The following ZNF34 variants were observed in gnomAD, a reference collection of about 807,000 sequenced individuals.
ZNF34 encodes the protein zinc finger protein 34 (KOX 32).
Under a neutral mutation model 14.4 loss-of-function variants are expected in ZNF34, and 8 were observed. That is an observed-to-expected ratio of 0.55 (90% confidence interval 0.33 to 1.00). The LOEUF (loss-of-function observed/expected upper bound fraction) is 1.00. Ranked by LOEUF, ZNF34 falls within the 50% of genes least tolerant of loss-of-function variation. The pLI is 0.03. For synonymous variants in ZNF34, 235 were observed against 247.9 expected, an observed-to-expected ratio of 0.95 and a Z score of 0.49; for missense variants, 538 against 674.2, an observed-to-expected ratio of 0.80 and a Z score of 2.24.
intron 1 of ZNF34, among the ~76,000 whole-genome samples, chr8:144,785,071 G>C (rs1248857257): frequency 2.1e-5 from 3 of 142,286 alleles, no homozygotes; most frequent in South Asian, 4.5e-4. Context: ...GAGCCAAGAT[G>C]GTGTCACTGC....
intron 1 of ZNF34, among the ~76,000 whole-genome samples, chr8:144,782,842 CAAAAAAAA>C (rs548252812): frequency 8.7e-5 from 2 of 22,966 alleles, no homozygotes; most frequent in African/African-American, 3.1e-4. Flanking sequence ...AAGCCTATCT[CAAAAAAAA>C]AAAAAAAAAA....
intron 2 of ZNF34, 109 bp from the exon 3 acceptor site, chr8:144,778,634 C>T (rs996558068): frequency 1.3e-5 from 10 of 782,666 alleles, no homozygotes; most frequent in Non-Finnish European, 1.7e-5. Flanking sequence ...TGGTCCACCC[C>T]TGCCCATCCC....
rs1472180191 is a variant in ZNF34, at chr8:144,774,471, C to T, written c.415G>A (p.Glu139Lys). 6.2e-7 allele frequency: 1 copy of T among 1,613,980 alleles called. No homozygotes were observed. The highest frequency in any genetic ancestry group is 8.5e-7 in the Non-Finnish European group (1 of 1,179,900). ...GTGACTGCCCTGGGGCCTCTCTGCT[C>T]CACTAGCTTTTCCAGGCTCCCCTCT... ...KSEGSLEKLV[E>K]QRGPRAVTLT... The change falls in exon 6 of 6, where the codon GAG becomes AAG. Residue 139 changes from glutamate (E) to lysine (K), a missense_variant. Transcript: ENST00000429371.
At position 144,778,099 on chromosome 8, in the gene ZNF34, A is replaced by G; in HGVS notation, c.99T>C (p.Pro33=). The part of the protein sequence containing the change: ...LSREEWGRLG[P]AQRGLYRDVM... ...CGTCCCTGTAGAGGCCCCTCTGAGC[A>G]GGGCCCAGGCGGCCCCATTCCTCCC... The change falls in exon 4 of 6, where the codon CCT becomes CCC. Residue 33 remains proline, a synonymous_variant. Transcript: ENST00000429371. The G allele has an allele frequency of 6.2e-7, 1 of 1,614,026 alleles. No individual in the cohort carries two copies. The highest frequency in any genetic ancestry group is 8.5e-7 in the Non-Finnish European group (1 of 1,179,932).
Position 144,777,161 on chromosome 8 carries a change from C to T in ZNF34, c.280+297G>A, listed in dbSNP as rs1015084673. Among the ~76,000 whole-genome samples the T allele has an allele frequency of 3.3e-5, 5 of 152,088 alleles. No homozygotes were observed. ...AGGGTTCTGTGGGGTTCCGCAGACC[C>T]TAACAGCACCCCTGTTCTGCACCTA... On this transcript the variant is annotated intron_variant, in intron 5 of 5. Transcript: ENST00000429371. This position sits in a 1 kb window ranked among gnomAD's most constrained non-coding sequence, Gnocchi z 4.8.
intron 1 of ZNF34, among the ~76,000 whole-genome samples, chr8:144,781,760 G>T (rs1419171393): frequency 6.6e-6 from 1 of 152,180 alleles, no homozygotes; most frequent in African/African-American, 2.4e-5. Flanking sequence ...AGAAATATAT[G>T]AAAAGTAACC....
chr8:144,776,584 G>A (rs764253337), intron 5 of ZNF34, among the ~76,000 whole-genome samples: 3 of 151,700 alleles, frequency 2.0e-5, no homozygotes, highest in Admixed American at 1.3e-4. Flanking sequence ...GTGACAGAGC[G>A]AGACTCTGTC....
chr8:144,787,109 C>G (rs1826294030), intron 1 of ZNF34, among the ~76,000 whole-genome samples, 170 bp downstream of exon 1: 1 of 109,896 alleles, frequency 9.1e-6, no homozygotes, highest in African/African-American at 5.1e-5. Context: ...GCAGTCCGTA[C>G]TCGGGGCCTT....
chr8:144,786,278 C>T (rs1205498624), intron 1 of ZNF34, among the ~76,000 whole-genome samples: 1 of 151,644 alleles, frequency 6.6e-6, no homozygotes. Context: ...CGTGAGCCAC[C>T]GTGCTCTGCC....
intron 1 of ZNF34, among the ~76,000 whole-genome samples, chr8:144,786,817 C>G (rs1826272084): frequency 6.6e-6 from 1 of 151,800 alleles, no homozygotes; most frequent in Admixed American, 6.6e-5. Context: ...GGAGCGCGGA[C>G]GCTAAAGGCA....
chr8:144,773,154 C>A lies in ZNF34; in HGVS notation c.*112G>T, dbSNP rs1825263712. ...AGAGGTTTGTTTAATGAGAAACGTC[C>A]TTTCACTCTGTGAAAACATCGTGTG... On this transcript the variant is annotated 3_prime_UTR_variant, in exon 6 of 6. Coordinates refer to ENST00000429371, the MANE Select transcript of ZNF34 (RefSeq NM_001286769.2). This position sits in a 1 kb window ranked among gnomAD's most constrained non-coding sequence, Gnocchi z 5.4. 3 of 1,179,486 alleles carry A rather than the reference C, an allele frequency of 2.5e-6. No individual in the cohort carries two copies. The highest frequency in any genetic ancestry group is 1.8e-5 in the South Asian group (1 of 56,542). 73.1% of individuals were successfully genotyped at this position (1,179,486 alleles called of 1,614,324 possible).
In ZNF34 at chr8:144,774,569, G is replaced by A. The variant is rs764701606; in HGVS notation, c.317C>T (p.Ser106Leu). ...ATCTTCCTCACCAAATGTCTCCTGT[G>A]AAGTCAACTCCTTGTACTCAGTTCT... ...GTRTEYKELT[S>L]QETFGEEDPQ... Residue 106 changes from serine to leucine, a missense_variant, in exon 6 of 6, where the codon TCA becomes TTA. Around this residue, in one of 3 missense-constraint regions of ZNF34, gnomAD observed 431 missense variants for 525.7 expected, o/e 0.82. Coordinates refer to ENST00000429371, the MANE Select transcript of ZNF34 (RefSeq NM_001286769.2). The A allele has an allele frequency of 1.1e-5, 17 of 1,613,778 alleles. No homozygotes were observed. The African/African-American group carries it at 2.3e-4, about 22-fold the overall frequency.
At chr8:144,781,063 A>C (rs1283101575) in intron 1 of ZNF34, among the ~76,000 whole-genome samples, 2 of 150,728 alleles carry the variant, frequency 1.3e-5, no homozygotes, top group Non-Finnish European at 2.9e-5. Flanking sequence ...GTGAACCGGG[A>C]GGCAGAGCTT....
chr8:144,778,259 G>A (rs972428159), intron 3 of ZNF34, 95 bp from the exon 4 acceptor site: 11 of 1,522,940 alleles, frequency 7.2e-6, no homozygotes, highest in Non-Finnish European at 9.7e-6. Context: ...CAGCAGCACA[G>A]TGGGTGGCCT....
Position 144,774,039 on chromosome 8 carries a change from C to T in ZNF34, c.847G>A (p.Glu283Lys). The T allele has an allele frequency of 6.2e-7, 1 of 1,614,100 alleles. No individual in the cohort carries two copies. The highest frequency in any genetic ancestry group is 8.5e-7 in the Non-Finnish European group (1 of 1,180,000). The change falls in exon 6 of 6, where the codon GAG (glutamate) becomes AAG (lysine). Residue 283 changes from glutamate (E) to lysine (K), a missense_variant. By Grantham distance (56) the Glu-to-Lys change is moderately conservative (BLOSUM62 1). This residue lies in a region of ZNF34 where 431 missense variants were observed against 525.7 expected (regional missense o/e 0.82). Coordinates refer to ENST00000429371, the MANE Select transcript of ZNF34 (RefSeq NM_001286769.2). ...CACTCGTCACACCGGTAGGGAATCTCTCCTGAGTGCATCCTTCGGTGATTG... is the reference window on the plus strand; with the variant it reads ...CACTCGTCACACCGGTAGGGAATCTTTCCTGAGTGCATCCTTCGGTGATTG... ...FINHRRMHSG[E>K]IPYRCDECGK...
chr8:144,781,751 G>C (rs1349665252), intron 1 of ZNF34, among the ~76,000 whole-genome samples: 1 of 152,048 alleles, frequency 6.6e-6, no homozygotes, highest in Non-Finnish European at 1.5e-5. Flanking sequence ...TGTTATATTA[G>C]AAATATATGA....
chr8:144,780,121 C>T, intron 2 of ZNF34, 107 bp downstream of exon 2: 1 of 830,282 alleles, frequency 1.2e-6, no homozygotes, highest in Non-Finnish European at 2.0e-6. Flanking sequence ...CACCTGGGCC[C>T]AGGAAGTAGA....
In ZNF34 at chr8:144,780,224, T is replaced by C; in HGVS notation, c.-55+4A>G. ...AATAAATAAGTAAAATAAGATTGAC[T>C]CACCTACCAGAAGCATGAGACTCTC... On this transcript the variant is annotated splice_donor_region_variant and intron_variant, in intron 2 of 5. Transcript: ENST00000429371. The C allele has an allele frequency of 6.5e-7, 1 of 1,547,118 alleles. No homozygotes were observed. The highest frequency in any genetic ancestry group is 2.5e-5 in the East Asian group (1 of 40,776).
intron 2 of ZNF34, 71 bp from the exon 3 acceptor site, chr8:144,778,596 CTG>C: frequency 8.0e-7 from 1 of 1,252,020 alleles, no homozygotes; most frequent in Non-Finnish European, 1.1e-6. Flanking sequence ...CTACTTGGTG[CTG>C]CCATAAACAG....
Sources: allele counts gnomAD v4.1 joint callset (sites outside exome capture counted in the v4.1 genomes callset), GRCh38; gene constraint gnomAD v4.1.1; regional missense constraint gnomAD v4.1.1; non-coding constraint Gnocchi (gnomAD v3.1); transcripts MANE v1.5; gene names NCBI Gene and HGNC (gene_info 2026-07-23, HGNC 2026-07-21).